Variants in SLC5A4 observed in about 807,000 individuals in gnomAD.
The protein encoded by SLC5A4 is probable glucose sensor protein SLC5A4.
SLC5A4 carries 55 observed loss-of-function variants against 70.3 expected under a neutral mutation model. That is an observed-to-expected ratio of 0.78 (90% CI 0.63 to 0.98). The LOEUF (loss-of-function observed/expected upper bound fraction) is 0.98, where lower values mean the gene tolerates loss of function less well. Ranked by LOEUF, SLC5A4 falls within the 50% of genes least tolerant of loss-of-function variation. The pLI is 0.00. For synonymous variants in SLC5A4, 268 were observed against 305.7 expected (o/e 0.88, Z 1.29); for missense variants, 735 against 839.2 (o/e 0.88, Z 1.53).
the SLC5A4 span, among the ~76,000 whole-genome samples, chr22:32,345,308 G>C: frequency 2.6e-5 from 4 of 152,130 alleles, no homozygotes; most frequent in Non-Finnish European, 4.4e-5. Context: ...CAGTGTCAAC[G>C]TGTTTTTGCC....
At chr22:32,310,074 CG>C in the SLC5A4 span, among the ~76,000 whole-genome samples, 1 of 9,862 alleles carries the variant, frequency 1.0e-4, no homozygotes, top group East Asian at 2.9e-3. Context: ...GGAGGGAGGA[CG>C]GGGGATGGGG....
chr22:32,250,862 A>T (rs1427469987), intron 3 of SLC5A4, among the ~76,000 whole-genome samples: 1 of 152,090 alleles, frequency 6.6e-6, no homozygotes, highest in Non-Finnish European at 1.5e-5. Flanking sequence ...AGGAACAGGA[A>T]ATCAAACACC....
At chr22:32,225,186 A>G (rs1925318646) in intron 12 of SLC5A4, among the ~76,000 whole-genome samples, 1 of 152,242 alleles carries the variant, frequency 6.6e-6, no homozygotes, top group African/African-American at 2.4e-5. Flanking sequence ...AATTAATTAC[A>G]TATATCACAA....
At chr22:32,285,585 C>A in the SLC5A4 span, among the ~76,000 whole-genome samples, 2 of 151,850 alleles carry the variant, frequency 1.3e-5, no homozygotes, top group African/African-American at 4.8e-5. Context: ...CTATAGTTTC[C>A]GGGTATCTGG....
chr22:32,266,405 T>C, the SLC5A4 span, among the ~76,000 whole-genome samples: 1 of 152,190 alleles, frequency 6.6e-6, no homozygotes, highest in Non-Finnish European at 1.5e-5. Flanking sequence ...GTAGTTTCAC[T>C]ATTACTTCAT....
intron 5 of SLC5A4, among the ~76,000 whole-genome samples, chr22:32,242,438 G>C (rs1173643679): frequency 2.6e-5 from 4 of 152,040 alleles, no homozygotes; most frequent in Non-Finnish European, 5.9e-5. Context: ...GGCTGGGCGT[G>C]GTGGCTCATG....
At chr22:32,297,095 G>A in the SLC5A4 span, among the ~76,000 whole-genome samples, 1 of 151,800 alleles carries the variant, frequency 6.6e-6, no homozygotes, top group South Asian at 2.1e-4. Context: ...TGTTCATCAA[G>A]GATATTGGTC....
the SLC5A4 span, among the ~76,000 whole-genome samples, chr22:32,293,510 A>C: frequency 1.5e-4 from 23 of 152,258 alleles, no homozygotes; most frequent in African/African-American, 5.5e-4. Context: ...TAATATTGTA[A>C]ATATTGTTTG....
the SLC5A4 span, among the ~76,000 whole-genome samples, chr22:32,262,004 C>A: frequency 6.6e-6 from 1 of 152,168 alleles, no homozygotes; most frequent in Non-Finnish European, 1.5e-5. Context: ...ATGACATGAT[C>A]TCCTTTTTTA....
chr22:32,265,692 T>G, the SLC5A4 span, among the ~76,000 whole-genome samples: 3 of 151,962 alleles, frequency 2.0e-5, no homozygotes, highest in African/African-American at 7.3e-5. Flanking sequence ...ATACAAAAAT[T>G]AGCTGGGTGT....
At chr22:32,324,269 A>G in the SLC5A4 span, among the ~76,000 whole-genome samples, 7,589 of 150,094 alleles carry the variant, frequency 0.051, 358 homozygotes, top group Admixed American at 0.15. Flanking sequence ...ACATATATGT[A>G]TATATATATA....
the SLC5A4 span, among the ~76,000 whole-genome samples, chr22:32,325,449 C>T: frequency 6.6e-6 from 1 of 152,190 alleles, no homozygotes; most frequent in Admixed American, 6.5e-5. Context: ...TCACTCTGGG[C>T]AGATGGAACA....
chr22:32,347,821 G>A, the SLC5A4 span, among the ~76,000 whole-genome samples: 12 of 151,762 alleles, frequency 7.9e-5, no homozygotes, highest in East Asian at 2.3e-3. Context: ...AAACCTGCAT[G>A]TTGTGCACAT....
chr22:32,244,784 C>A (rs1307383110), intron 5 of SLC5A4, among the ~76,000 whole-genome samples: 1 of 152,182 alleles, frequency 6.6e-6, no homozygotes, highest in Non-Finnish European at 1.5e-5. Context: ...CCTGCCTCAG[C>A]CTCCCAAAGT....
At chr22:32,338,222 TGGG>T in the SLC5A4 span, among the ~76,000 whole-genome samples, 1 of 151,990 alleles carries the variant, frequency 6.6e-6, no homozygotes, top group South Asian at 2.1e-4. Context: ...AACTGAAACG[TGGG>T]GGATAAATGT....
intron 5 of SLC5A4, among the ~76,000 whole-genome samples, chr22:32,244,615 T>C (rs1926717136): frequency 6.6e-6 from 1 of 152,186 alleles, no homozygotes; most frequent in South Asian, 2.1e-4. Context: ...TCATTATAAC[T>C]TAGCTCCTGG....
At chr22:32,339,831 G>A in the SLC5A4 span, among the ~76,000 whole-genome samples, 5 of 152,238 alleles carry the variant, frequency 3.3e-5, no homozygotes, top group African/African-American at 1.2e-4. Flanking sequence ...CTGAGTTTCA[G>A]GAGGCTCCTG....
At chr22:32,337,446 A>G in the SLC5A4 span, among the ~76,000 whole-genome samples, 1 of 152,262 alleles carries the variant, frequency 6.6e-6, no homozygotes, top group Non-Finnish European at 1.5e-5. Context: ...ATTCAAGAGA[A>G]TTGCTTGAAC....
intron 10 of SLC5A4, among the ~76,000 whole-genome samples, chr22:32,230,454 C>T (rs1264701744): frequency 2.0e-5 from 3 of 152,172 alleles, no homozygotes; most frequent in Non-Finnish European, 4.4e-5. Context: ...GCCTATTTCA[C>T]TGATGTTTTG....
Sources: gnomAD v4.1 joint callset for allele counts (sites outside exome capture counted in the v4.1 genomes callset) on GRCh38, gnomAD v4.1.1 for gene constraint, MANE v1.5 for transcripts, NCBI Gene and HGNC (gene_info 2026-07-23, HGNC 2026-07-21) for gene names.